The following TMEM63B variants were observed in gnomAD, a reference collection of about 807,000 sequenced individuals.
TMEM63B encodes the protein mechanosensitive cation channel TMEM63B.
TMEM63B carries 23 observed loss-of-function variants against 102.6 expected under a neutral mutation model. The observed-to-expected ratio is 0.22, with a 90% CI of 0.16 to 0.32. The LOEUF is 0.32. Among genes scored for constraint, TMEM63B ranks in the 10% least tolerant of loss-of-function variants. The pLI, the probability that TMEM63B is intolerant of heterozygous loss-of-function variation, is 1.00. For synonymous variants in TMEM63B, 444 were observed against 437.0 expected (o/e 1.02, Z -0.20); for missense variants, 628 against 1,095.9 (o/e 0.57, Z 6.03).
intron 1 of TMEM63B, among the ~76,000 whole-genome samples, chr6:44,128,117 G>C (rs1292372261): frequency 6.6e-6 from 1 of 152,158 alleles, no homozygotes; most frequent in Admixed American, 6.5e-5. Flanking sequence ...CAAGTCCGAT[G>C]CCTTCTGTGC....
At chr6:44,154,025 G>A (rs1488762727) in intron 21 of TMEM63B, 48 bp from the exon 22 acceptor site, 2 of 1,592,214 alleles carry the variant, frequency 1.3e-6, no homozygotes, top group Admixed American at 1.7e-5. Context: ...GCTGGGGTGG[G>A]GAGGCCCACA....
rs1283860966 is a variant in TMEM63B, at chr6:44,131,978, C to T, written c.-24-2583C>T. On this transcript the variant is annotated intron_variant, in intron 1 of 23. Coordinates refer to ENST00000323267, the MANE Select transcript of TMEM63B (RefSeq NM_018426.3). ...TCTGCCTCAATGTCTTCCCTCTTCT[C>T]AGTTGCTCAGCCCAGTGCTGGCTTT... 2.0e-5 allele frequency among the ~76,000 whole-genome samples: 3 copies of T among 152,216 alleles called. No homozygotes were observed. The East Asian group carries it at 5.8e-4, about 29-fold the overall frequency.
intron 1 of TMEM63B, among the ~76,000 whole-genome samples, chr6:44,130,652 T>C (rs897099049): frequency 2.0e-5 from 3 of 151,952 alleles, no homozygotes; most frequent in African/African-American, 7.3e-5. Flanking sequence ...GGTTTTGCTA[T>C]GTTGCCCAAG....
At position 44,148,588 on chromosome 6, in the gene TMEM63B, C is replaced by T. The variant is rs750704260; in HGVS notation, c.1197C>T (p.Ser399=). Residue 399 remains serine, a synonymous_variant, in exon 14 of 24, where the codon AGC becomes AGT. Transcript: ENST00000323267. This position sits in a 1 kb window ranked among gnomAD's most constrained non-coding sequence, Gnocchi z 5.1. ...GGGAGCCACGCCCCTCATCCTGCAG[C>T]GAGTCCCTGCACATCTCCAACTGGA... ...CRGEPRPSSC[S]ESLHISNWTV... The T allele has an allele frequency of 3.7e-6, 6 of 1,614,114 alleles. No homozygotes were observed. The highest frequency in any genetic ancestry group is 1.7e-5 in the Admixed American group (1 of 60,008).
Position 44,138,736 on chromosome 6 carries a change from G to GCCCCCCCCCCCCCCCC in TMEM63B, c.407+226_407+227insCCCCCCCCCCCCCCCC, listed in dbSNP as rs77370584. 4.5e-5 allele frequency: 13 copies of GCCCCCCCCCCCCCCCC among 288,688 alleles called. 1 individual carries two copies. The highest frequency in any genetic ancestry group is 2.9e-4 in the African/African-American group (11 of 37,614). The allele number at this position is 288,688 out of a possible 1,614,324, so 17.9% of individuals were successfully genotyped here. A position where few individuals can be genotyped will look rare whatever the true frequency, so the allele number is the denominator to read the frequency against. ...TAATCTCCTCTGTGACCCCCTGCCGGCCCCCCCGCTTCTCTCCCTGCCCTG... is the reference window on the plus strand; with the variant it reads ...TAATCTCCTCTGTGACCCCCTGCCGGCCCCCCCCCCCCCCCCCCCCCCCGCTTCTCTCCCTGCCCTG... On this transcript the variant is annotated intron_variant, in intron 6 of 23. Transcript: ENST00000323267.
chr6:44,155,258 TCC>T lies in TMEM63B; in HGVS notation c.*382_*383del, dbSNP rs997902831. ...GGGGGGCAGGTGGATCTGGGGCTGT[TCC>T]CCCCCCTCCGTTTTTTCCACCCCAC... is the stretch of plus-strand genomic sequence containing the variant. On this transcript the variant is annotated 3_prime_UTR_variant, in exon 24 of 24. Transcript: ENST00000323267. The T allele has an allele frequency of 1.3e-5, 2 of 153,934 alleles. No homozygotes were observed. The highest frequency in any genetic ancestry group is 2.8e-5 in the Non-Finnish European group (2 of 70,228). The allele number at this position is 153,934 out of a possible 1,614,324, so 9.5% of individuals were successfully genotyped here.
chr6:44,140,458 G>A, intron 9 of TMEM63B, 98 bp downstream of exon 9: 1 of 956,106 alleles, frequency 1.0e-6, no homozygotes, highest in Middle Eastern at 2.0e-4. Context: ...GTGTCAGCTA[G>A]GTTTGAATGC....
At chr6:44,131,025 C>G (rs1778167793) in intron 1 of TMEM63B, among the ~76,000 whole-genome samples, 1 of 151,968 alleles carries the variant, frequency 6.6e-6, no homozygotes, top group African/African-American at 2.4e-5. Context: ...TCAAGTGATT[C>G]TCCTGCCTCA....
chr6:44,134,784 C>T (rs1336024054), intron 2 of TMEM63B, 41 bp downstream of exon 2: 3 of 1,591,326 alleles, frequency 1.9e-6, no homozygotes, highest in South Asian at 1.1e-5. Flanking sequence ...CATCCATGCC[C>T]TGTACACACC....
chr6:44,132,664 A>G (rs551589852), intron 1 of TMEM63B, among the ~76,000 whole-genome samples: 2 of 151,776 alleles, frequency 1.3e-5, no homozygotes, highest in Non-Finnish European at 2.9e-5. Context: ...CCATGTTCAC[A>G]CCCCCACTTC....
At chr6:44,139,198 A>G (rs1198288843) in intron 6 of TMEM63B, among the ~76,000 whole-genome samples, 1 of 149,070 alleles carries the variant, frequency 6.7e-6, no homozygotes, top group African/African-American at 2.5e-5. Flanking sequence ...TCTTTCTTTT[A>G]CCTATCTTTT....
In TMEM63B at chr6:44,152,951, C is replaced by G. The variant is rs1050833807; in HGVS notation, c.1942+253C>G. Among the ~76,000 whole-genome samples the G allele has an allele frequency of 6.6e-6, 1 of 152,222 alleles. No homozygotes were observed. Among genetic ancestry groups the G allele is most frequent in the African/African-American group, 2.4e-5 (1 of 41,458 alleles). On this transcript the variant is annotated intron_variant, in intron 20 of 23. Coordinates refer to ENST00000323267, the MANE Select transcript of TMEM63B (RefSeq NM_018426.3). The surrounding 1 kb of genome is among the most constrained non-coding windows in gnomAD (Gnocchi z 6.4). ...AGTCACACCAACATGGCCATACTTACCCACACCTGTGCCTTCCCTCAGCGG... is the reference window on the plus strand; with the variant it reads ...AGTCACACCAACATGGCCATACTTAGCCACACCTGTGCCTTCCCTCAGCGG...
chr6:44,133,672 G>A (rs571870056), intron 1 of TMEM63B, among the ~76,000 whole-genome samples: 41 of 152,324 alleles, frequency 2.7e-4, no homozygotes, highest in Non-Finnish European at 5.1e-4. Flanking sequence ...TCCACTCTGA[G>A]CATCAATGCA....
intron 1 of TMEM63B, among the ~76,000 whole-genome samples, chr6:44,133,781 C>T (rs537161009): frequency 5.3e-5 from 8 of 152,358 alleles, no homozygotes; most frequent in Non-Finnish European, 7.4e-5. Flanking sequence ...AAAAGCTTGC[C>T]GTAGGGCATA....
Position 44,138,499 on chromosome 6 carries a change from C to T in TMEM63B, c.389C>T (p.Thr130Ile), listed in dbSNP as rs745320313. 5.6e-6 allele frequency: 9 copies of T among 1,614,070 alleles called. No individual in the cohort carries two copies. In the South Asian group the frequency reaches 8.8e-5, roughly 16 times the overall value. ...QRDNGFCSWL[T>I]AIFRIKDDEI... ...CCCCAGGGTTTCTGTTCCTGGCTGA[C>T]AGCCATCTTCAGGATAAAGTAAGTG... is the stretch of plus-strand genomic sequence containing the variant. The change falls in exon 6 of 24, where the codon ACA (threonine) becomes ATA (isoleucine). Residue 130 changes from threonine to isoleucine, a missense_variant. Coordinates refer to ENST00000323267, the MANE Select transcript of TMEM63B (RefSeq NM_018426.3).
At position 44,154,966 on chromosome 6, in the gene TMEM63B, GAT is replaced by G; in HGVS notation, c.*84_*85del. 1 of 1,294,046 alleles carries G rather than the reference GAT, an allele frequency of 7.7e-7. No individual in the cohort carries two copies. The highest frequency in any genetic ancestry group is 1.0e-6 in the Non-Finnish European group (1 of 969,364). The allele number at this position is 1,294,046 out of a possible 1,614,324, so 80.2% of individuals were successfully genotyped here. The stretch of plus-strand genomic sequence containing the variant: ...ACACTAAAACGCTAATAATTTATTA[GAT>G]CTAAAGCCCCTTCCTCCCCAGCCCC... On this transcript the variant is annotated 3_prime_UTR_variant, in exon 24 of 24. Transcript: ENST00000323267.
At chr6:44,147,610 C>A in intron 12 of TMEM63B, 110 bp downstream of exon 12, 1 of 1,445,346 alleles carries the variant, frequency 6.9e-7, no homozygotes, top group Non-Finnish European at 9.4e-7. Flanking sequence ...ATCCTTGAAG[C>A]CTCAGTTCCC....
chr6:44,150,101 A>T lies in TMEM63B; in HGVS notation c.1521-123A>T. 1 of 1,314,600 alleles carries T rather than the reference A, an allele frequency of 7.6e-7. No individual in the cohort carries two copies. The highest frequency in any genetic ancestry group is 2.4e-5 in the East Asian group (1 of 40,878). 81.4% of individuals were successfully genotyped at this position (1,314,600 alleles called of 1,614,324 possible). A position where few individuals can be genotyped will look rare whatever the true frequency, so the allele number is the denominator to read the frequency against. On this transcript the variant is annotated intron_variant, in intron 16 of 23. Transcript: ENST00000323267. The surrounding 1 kb of genome is among the most constrained non-coding windows in gnomAD (Gnocchi z 4.7). The stretch of plus-strand genomic sequence containing the variant: ...TGGTAGGGAAGGGGTAGTGCCCAGC[A>T]CCCTCACCTTGGGAGGCCCACCCTT...
Position 44,152,602 on chromosome 6 carries a change from T to C in TMEM63B, c.1846T>C (p.Tyr616His), listed in dbSNP as rs1271430536. Residue 616 changes from tyrosine to histidine, a missense_variant, in exon 20 of 24, where the codon TAC becomes CAC. This residue lies in a region of TMEM63B where 90 missense variants were observed against 136.7 expected (regional missense o/e 0.66). Coordinates refer to ENST00000323267, the MANE Select transcript of TMEM63B (RefSeq NM_018426.3). The surrounding 1 kb of genome is among the most constrained non-coding windows in gnomAD (Gnocchi z 6.4). ...CCCGTCTCCCCCCCAGCATCAGGCC[T>C]ACGAGTTCCAGTTTGGCGCAGCCTA... Reference protein sequence around the residue: ...ERRNVKRHQAYEFQFGAAYAW... With the variant: ...ERRNVKRHQAHEFQFGAAYAW... 3 of 1,607,938 alleles carry C rather than the reference T, an allele frequency of 1.9e-6. No individual in the cohort carries two copies. The highest frequency in any genetic ancestry group is 8.5e-7 in the Non-Finnish European group (1 of 1,179,810).
Sources: gnomAD v4.1 joint callset for allele counts (sites outside exome capture counted in the v4.1 genomes callset) on GRCh38, gnomAD v4.1.1 for gene constraint, gnomAD v4.1.1 regional missense constraint, Gnocchi (gnomAD v3.1) non-coding constraint, MANE v1.5 for transcripts, NCBI Gene and HGNC (gene_info 2026-07-23, HGNC 2026-07-21) for gene names.